PTPRQ: variants seen among roughly 807,000 people sequenced by gnomAD.
PTPRQ encodes phosphatidylinositol phosphatase PTPRQ.
A neutral mutation model predicts 246.0 loss-of-function variants in PTPRQ; 199 were observed. The observed-to-expected ratio is 0.81, with a 90% CI of 0.72 to 0.91. PTPRQ has a LOEUF of 0.91. Among genes scored for constraint, PTPRQ ranks in the 40% least tolerant of loss-of-function variants. The pLI is 0.00. For synonymous variants in PTPRQ, 869 were observed against 853.2 expected (o/e 1.02, Z -0.32); for missense variants, 2,624 against 2,528.4 (o/e 1.04, Z -0.81).
chr12:80,551,071 C>A (rs1896461121), intron 25 of PTPRQ, among the ~76,000 whole-genome samples: 1 of 152,028 alleles, frequency 6.6e-6, no homozygotes, highest in South Asian at 2.1e-4. Context: ...GATATTACCC[C>A]ATCAATTTAT....
At chr12:80,464,027 T>C (rs2120503119) in intron 6 of PTPRQ, among the ~76,000 whole-genome samples, 1 of 151,490 alleles carries the variant, frequency 6.6e-6, no homozygotes, top group East Asian at 2.0e-4. Context: ...AATATTAACT[T>C]TAAATGTAAA....
intron 34 of PTPRQ, chr12:80,634,560 G>A (rs1034095533): frequency 2.9e-5 from 5 of 171,280 alleles, no homozygotes; most frequent in Non-Finnish European, 4.9e-5. Context: ...ACTATTGATA[G>A]CATTGAACTA....
chr12:80,650,790 C>T (rs903960134), intron 37 of PTPRQ, among the ~76,000 whole-genome samples: 2 of 151,816 alleles, frequency 1.3e-5, no homozygotes, highest in African/African-American at 4.8e-5. Context: ...TTACATTATG[C>T]ATGACCAAGT....
chr12:80,587,481 T>C (rs1421466039), intron 25 of PTPRQ, among the ~76,000 whole-genome samples: 1 of 152,230 alleles, frequency 6.6e-6, no homozygotes, highest in Non-Finnish European at 1.5e-5. Flanking sequence ...AGCTTTATTG[T>C]ATCCTGAATC....
chr12:80,508,865 A>G (rs1221729441), intron 16 of PTPRQ, among the ~76,000 whole-genome samples: 1 of 152,088 alleles, frequency 6.6e-6, no homozygotes, highest in Non-Finnish European at 1.5e-5. Flanking sequence ...ACCACGCTTT[A>G]TCTGGTATTC....
At chr12:80,555,170 C>T (rs960037745) in intron 25 of PTPRQ, among the ~76,000 whole-genome samples, 1 of 152,184 alleles carries the variant, frequency 6.6e-6, no homozygotes, top group South Asian at 2.1e-4. Context: ...CCTGCCTCGG[C>T]CTCCCAAAAT....
At chr12:80,519,736 A>G (rs1390061008) in intron 17 of PTPRQ, among the ~76,000 whole-genome samples, 2 of 152,202 alleles carry the variant, frequency 1.3e-5, no homozygotes, top group African/African-American at 2.4e-5. Context: ...ATTAGGTCCT[A>G]TACATCAAAT....
At chr12:80,616,287 C>A in intron 30 of PTPRQ, 21 bp downstream of exon 30, 1 of 1,454,602 alleles carries the variant, frequency 6.9e-7, no homozygotes, top group Non-Finnish European at 9.1e-7. Flanking sequence ...GAGCTACCTT[C>A]CTATGAAATG....
rs1893076949 is a variant in PTPRQ at position 80,459,345 on chromosome 12, T to A, written c.522T>A (p.Ile174=). ...ACAACGCTTCAGCAGTTAAGCTGAT[T>A]TGGTATTTACCTCGGCAACCAAATG... ...EAYNASAVKL[I]WYLPRQPNGK... The change falls in exon 5 of 45, where the codon ATT becomes ATA. Residue 174 remains isoleucine (I), a synonymous_variant. Coordinates refer to ENST00000644991, the MANE Select transcript of PTPRQ (RefSeq NM_001145026.2). The A allele has an allele frequency of 5.0e-6, 2 of 398,386 alleles. No individual in the cohort carries two copies. The highest frequency in any genetic ancestry group is 4.1e-5 in the African/African-American group (2 of 48,640). The allele number at this position is 398,386 out of a possible 1,614,324, so 24.7% of individuals were successfully genotyped here.
intron 26 of PTPRQ, among the ~76,000 whole-genome samples, chr12:80,598,862 C>A (rs2178172): frequency 6.6e-6 from 1 of 151,898 alleles, no homozygotes; most frequent in Non-Finnish European, 1.5e-5. Flanking sequence ...GGAAAGTGAT[C>A]ATAACGAGGT....
chr12:80,628,867 G>T (rs754879435), intron 33 of PTPRQ, among the ~76,000 whole-genome samples: 1 of 152,058 alleles, frequency 6.6e-6, no homozygotes, highest in Non-Finnish European at 1.5e-5. Flanking sequence ...AATGCAGGGA[G>T]TTGTGTCTTT....
intron 21 of PTPRQ, 115 bp from the exon 22 acceptor site, chr12:80,541,974 C>T (rs1896167589): frequency 1.4e-6 from 2 of 1,464,586 alleles, no homozygotes; most frequent in Non-Finnish European, 1.8e-6. Context: ...TTTCAATAAA[C>T]ACAGTGTTTC....
chr12:80,674,396 GAT>G (rs1367161473), intron 43 of PTPRQ, among the ~76,000 whole-genome samples: 1 of 152,120 alleles, frequency 6.6e-6, no homozygotes, highest in Non-Finnish European at 1.5e-5. Context: ...CAATTACAAA[GAT>G]AGAGCCCTAT....
intron 16 of PTPRQ, among the ~76,000 whole-genome samples, chr12:80,508,546 A>G (rs894225805): frequency 6.6e-6 from 1 of 151,992 alleles, no homozygotes; most frequent in Non-Finnish European, 1.5e-5. Context: ...TGAAGTCCTC[A>G]TGCCAGGTAG....
intron 6 of PTPRQ, chr12:80,461,979 G>A (rs1002208504): frequency 2.8e-5 from 19 of 681,516 alleles, no homozygotes; most frequent in Middle Eastern, 2.3e-4. Context: ...TAAGGTACCC[G>A]TTCGTCTCAC....
intron 25 of PTPRQ, among the ~76,000 whole-genome samples, chr12:80,577,551 A>C (rs1460769347): frequency 1.3e-5 from 2 of 152,280 alleles, no homozygotes; most frequent in East Asian, 3.9e-4. Context: ...TTGGCCTCCA[A>C]ACAGAATATG....
At chr12:80,555,222 G>T (rs890345632) in intron 25 of PTPRQ, among the ~76,000 whole-genome samples, 48 of 151,932 alleles carry the variant, frequency 3.2e-4, no homozygotes, top group African/African-American at 1.2e-3. Flanking sequence ...AGCCTGCCCA[G>T]CTAATTTTTT....
In PTPRQ at chr12:80,468,744, C is replaced by A. The variant is rs890948976; in HGVS notation, c.945C>A (p.Gly315=). The change falls in exon 7 of 45, where the codon GGC becomes GGA. Residue 315 remains glycine (G), a synonymous_variant. Transcript: ENST00000644991. ...GACCACCACAAAACTGCGTAACAGG[C>A]AACATCACAGGAAAGTCCTTTTCAA... The part of the protein sequence containing the change: ...PEGPPQNCVT[G]NITGKSFSIL... 3.2e-6 allele frequency: 5 copies of A among 1,548,952 alleles called. No individual in the cohort carries two copies. Among genetic ancestry groups the A allele is most frequent in the Non-Finnish European group, 4.4e-6 (5 of 1,145,934 alleles).
intron 17 of PTPRQ, among the ~76,000 whole-genome samples, chr12:80,523,280 G>A (rs1342360961): frequency 1.3e-5 from 2 of 151,922 alleles, no homozygotes; most frequent in South Asian, 2.1e-4. Context: ...CTTGCTAGTG[G>A]TCTATCAATT....
Sources: gnomAD v4.1 joint callset for allele counts (sites outside exome capture counted in the v4.1 genomes callset) on GRCh38, gnomAD v4.1.1 for gene constraint, MANE v1.5 for transcripts, NCBI Gene and HGNC (gene_info 2026-07-23, HGNC 2026-07-21) for gene names.